The following PAQR5 variants were observed in gnomAD, a reference collection of about 807,000 sequenced individuals.
The protein encoded by PAQR5 is progestin and adipoQ receptor family member 5, also known as membrane progestin receptor gamma.
PAQR5 carries 20 observed loss-of-function variants against 34.5 expected under a neutral mutation model. That is an observed-to-expected ratio of 0.58 (90% CI 0.41 to 0.84). The LOEUF is 0.84. PAQR5 is among the 40% of genes least tolerant of loss of function. PAQR5 has a pLI of 0.00. For synonymous variants in PAQR5, 131 were observed against 155.6 expected (o/e 0.84, Z 1.18); for missense variants, 378 against 412.7 (o/e 0.92, Z 0.73).
chr15:69,405,838 T>G lies in PAQR5; in HGVS notation c.*2016T>G, dbSNP rs1366819637. 2 of 152,210 alleles carry G rather than the reference T, an allele frequency of 1.3e-5. No homozygotes were observed. The highest frequency in any genetic ancestry group is 4.8e-5 in the African/African-American group (2 of 41,452). 9.4% of individuals were successfully genotyped at this position (152,210 alleles called of 1,614,324 possible). ...GAAATGTTAAATCAACAAAATAAGA[T>G]CCAGTGTTTCATAACATTTTTATAA... On this transcript the variant is annotated 3_prime_UTR_variant, in exon 9 of 9. Transcript: ENST00000395407.
At chr15:69,362,718 T>C (rs908169937) in intron 3 of PAQR5, among the ~76,000 whole-genome samples, 1 of 152,196 alleles carries the variant, frequency 6.6e-6, no homozygotes, top group Admixed American at 6.5e-5. Flanking sequence ...CAATTAATAA[T>C]GTTGGTTGTC....
At position 69,404,559 on chromosome 15, in the gene PAQR5, A is replaced by G. The variant is rs2056726182; in HGVS notation, c.*737A>G. On this transcript the variant is annotated 3_prime_UTR_variant, in exon 9 of 9. Transcript: ENST00000395407. ...TGGTTGCCAGTTTGATCTGCAAAGT[A>G]TTTTTCAGTGCAGGTAAAATGTGTT... 5.9e-6 allele frequency: 1 copy of G among 168,688 alleles called. No homozygotes were observed. The highest frequency in any genetic ancestry group is 2.4e-5 in the African/African-American group (1 of 42,158). 10.4% of individuals were successfully genotyped at this position (168,688 alleles called of 1,614,324 possible).
At chr15:69,321,426 C>T (rs191605346) in intron 1 of PAQR5, among the ~76,000 whole-genome samples, 2 of 152,144 alleles carry the variant, frequency 1.3e-5, no homozygotes, top group African/African-American at 2.4e-5. Flanking sequence ...CGGTCTGAGA[C>T]GTCATATCGT....
chr15:69,352,946 C>T (rs1595885811), intron 2 of PAQR5, among the ~76,000 whole-genome samples: 1 of 152,198 alleles, frequency 6.6e-6, no homozygotes, highest in Non-Finnish European at 1.5e-5. Flanking sequence ...CAAAGAGTGA[C>T]CTCGTCAGAG....
chr15:69,330,572 TCTGATCTTGTGGC>T (rs2054355704), intron 1 of PAQR5, among the ~76,000 whole-genome samples: 1 of 152,122 alleles, frequency 6.6e-6, no homozygotes, highest in South Asian at 2.1e-4. Context: ...AACTGGCTCC[TCTGATCTTGTGGC>T]CCCCTCCCAG....
At chr15:69,353,736 C>T (rs1047716971) in intron 2 of PAQR5, among the ~76,000 whole-genome samples, 1 of 152,194 alleles carries the variant, frequency 6.6e-6, no homozygotes, top group Admixed American at 6.5e-5. Flanking sequence ...ACCCTTATCC[C>T]TAGTGACCCA....
chr15:69,405,719 G>GT lies in PAQR5; in HGVS notation c.*1898dup, dbSNP rs1256329277. 1 of 152,164 alleles carries GT rather than the reference G, an allele frequency of 6.6e-6. No homozygotes were observed. Among genetic ancestry groups the GT allele is most frequent in the Admixed American group, 6.5e-5 (1 of 15,276 alleles). The allele number at this position is 152,164 out of a possible 1,614,324, so 9.4% of individuals were successfully genotyped here. ...AGGTAACAAAATAATGTTTAGCTCA[G>GT]TAAGTACTGAAATAATGAGTGACCA... On this transcript the variant is annotated 3_prime_UTR_variant, in exon 9 of 9. Coordinates refer to ENST00000395407, the MANE Select transcript of PAQR5 (RefSeq NM_017705.4).
chr15:69,396,251 T>C (rs541671204), intron 6 of PAQR5, among the ~76,000 whole-genome samples: 70 of 149,454 alleles, frequency 4.7e-4, no homozygotes, highest in Non-Finnish European at 8.1e-4. Context: ...GAAATCGGTC[T>C]GGGCTCAGAG....
chr15:69,355,786 T>C (rs1207773717), intron 2 of PAQR5, among the ~76,000 whole-genome samples: 2 of 152,134 alleles, frequency 1.3e-5, no homozygotes, highest in African/African-American at 4.8e-5. Context: ...TTCATCTTTT[T>C]TCCCCTGTGA....
intron 2 of PAQR5, among the ~76,000 whole-genome samples, chr15:69,350,818 C>T (rs1315735719): frequency 6.6e-6 from 1 of 152,118 alleles, no homozygotes; most frequent in East Asian, 1.9e-4. Flanking sequence ...GGGAGGGGGA[C>T]ACTACTGAAA....
chr15:69,403,640 G>A lies in PAQR5; in HGVS notation c.811G>A (p.Ala271Thr), dbSNP rs1385055045. Residue 271 changes from alanine to threonine, a missense_variant, in exon 9 of 9, where the codon GCC (alanine) becomes ACC (threonine). Physicochemically the swap from Ala to Thr is moderately conservative, Grantham distance 58 (BLOSUM62 0). Transcript: ENST00000395407. The stretch of plus-strand genomic sequence containing the variant: ...CCTGGCCACGCACATGCAGATGGAA[G>A]CCATACTTCTGGACAAGACTCTGAG... ...VILATHMQMEAILLDKTLRKE... is the reference protein window; with the variant it reads ...VILATHMQMETILLDKTLRKE... The A allele has an allele frequency of 2.1e-5, 34 of 1,614,098 alleles. No individual in the cohort carries two copies. Among genetic ancestry groups the A allele is most frequent in the Non-Finnish European group, 2.9e-5 (34 of 1,179,998 alleles).
At chr15:69,310,952 T>C in intron 1 of PAQR5, among the ~76,000 whole-genome samples, 1 of 133,818 alleles carries the variant, frequency 7.5e-6, no homozygotes, top group Non-Finnish European at 1.5e-5. Flanking sequence ...GGCAGGAGAA[T>C]GGTGTGAACC....
chr15:69,403,609 T>G lies in PAQR5; in HGVS notation c.780T>G (p.Cys260Trp). Residue 260 changes from cysteine (C) to tryptophan (W), a missense_variant, in exon 9 of 9, where the codon TGT (cysteine) becomes TGG (tryptophan). Transcript: ENST00000395407. ...ACAGTCACCAGCTGTTTCACGTGTG[T>G]GTGATCCTGGCCACGCACATGCAGA... ...IGHSHQLFHVCVILATHMQME... is the reference protein window; with the variant it reads ...IGHSHQLFHVWVILATHMQME... The G allele has an allele frequency of 6.2e-7, 1 of 1,614,164 alleles. No individual in the cohort carries two copies. Among genetic ancestry groups the G allele is most frequent in the Non-Finnish European group, 8.5e-7 (1 of 1,180,018 alleles).
At chr15:69,324,855 G>A (rs2054209849) in intron 1 of PAQR5, among the ~76,000 whole-genome samples, 1 of 151,526 alleles carries the variant, frequency 6.6e-6, no homozygotes, top group African/African-American at 2.4e-5. Context: ...CCATAGCTGT[G>A]GCACTCCTAT....
At chr15:69,379,755 C>A in intron 3 of PAQR5, 128 bp from the exon 4 acceptor site, 1 of 1,299,368 alleles carries the variant, frequency 7.7e-7, no homozygotes, top group Non-Finnish European at 1.1e-6. Flanking sequence ...AGGGGAACAG[C>A]TTAACAGGTT....
intron 3 of PAQR5, among the ~76,000 whole-genome samples, chr15:69,369,166 CTA>C (rs1488397843): frequency 6.6e-6 from 1 of 152,120 alleles, no homozygotes; most frequent in Non-Finnish European, 1.5e-5. Flanking sequence ...TCTTTGATCT[CTA>C]TCTCTGCCGT....
At chr15:69,367,269 CT>C (rs374004795) in intron 3 of PAQR5, among the ~76,000 whole-genome samples, 12 of 151,378 alleles carry the variant, frequency 7.9e-5, no homozygotes, top group African/African-American at 9.7e-5. Flanking sequence ...TTACATTTCT[CT>C]TTTTTTTTCT....
chr15:69,332,503 G>A lies in PAQR5; in HGVS notation c.-276-4838G>A, dbSNP rs181851955. On this transcript the variant is annotated intron_variant, in intron 1 of 8. Coordinates refer to ENST00000395407, the MANE Select transcript of PAQR5 (RefSeq NM_017705.4). ...CTTGAGCAGTTAAAAGCCTGTGCAA[G>A]CTTGAAATTGGCTTCTCTAGGCTCC... Among the ~76,000 whole-genome samples, 326 of 152,270 alleles carry A rather than the reference G, an allele frequency of 2.1e-3. 1 individual carries two copies. The highest frequency in any genetic ancestry group is 7.4e-3 in the African/African-American group (307 of 41,560).
intron 2 of PAQR5, among the ~76,000 whole-genome samples, chr15:69,358,397 G>A (rs764807090): frequency 1.3e-5 from 2 of 152,108 alleles, no homozygotes; most frequent in Non-Finnish European, 2.9e-5. Flanking sequence ...GAAGAGTTGA[G>A]TTGCTTCTCT....
Sources: gnomAD v4.1 joint callset for allele counts (sites outside exome capture counted in the v4.1 genomes callset) on GRCh38, gnomAD v4.1.1 for gene constraint, MANE v1.5 for transcripts, NCBI Gene and HGNC (gene_info 2026-07-23, HGNC 2026-07-21) for gene names.